POP1: variants seen among roughly 807,000 people sequenced by gnomAD.
POP1 encodes ribonucleases P/MRP protein subunit POP1.
POP1 carries 75 observed loss-of-function variants against 102.2 expected under a neutral mutation model. The observed-to-expected ratio is 0.73, with a 90% CI of 0.61 to 0.89. The LOEUF is 0.89. Ranked by LOEUF, POP1 falls within the 40% of genes least tolerant of loss-of-function variation. POP1 has a pLI of 0.00. For missense variants in POP1, 1,116 were observed against 1,267.4 expected (o/e 0.88, Z 1.81); for synonymous variants, 436 against 464.1 (o/e 0.94, Z 0.78).
intron 5 of POP1, 115 bp from the exon 6 acceptor site, chr8:98,133,834 G>T (rs1415849853): frequency 3.7e-6 from 3 of 807,980 alleles, no homozygotes; most frequent in Non-Finnish European, 6.7e-6. Flanking sequence ...CATAGCTTTA[G>T]CAATTTGTTT....
intron 9 of POP1, among the ~76,000 whole-genome samples, chr8:98,138,320 C>A (rs1005701146): frequency 8.8e-4 from 12 of 13,608 alleles, no homozygotes; most frequent in Non-Finnish European, 1.8e-3. Flanking sequence ...TTTCTCCTCA[C>A]CCTTCTACAC....
intron 14 of POP1, 97 bp from the exon 15 acceptor site, chr8:98,155,952 TG>T: frequency 6.1e-6 from 6 of 983,238 alleles, no homozygotes; most frequent in South Asian, 1.3e-5. Context: ...TGTGTGTGTG[TG>T]TGTTTTAAAA....
chr8:98,145,077 C>T (rs1816807904), intron 11 of POP1, among the ~76,000 whole-genome samples: 1 of 152,088 alleles, frequency 6.6e-6, no homozygotes, highest in African/African-American at 2.4e-5. Context: ...CCTGTAGAGA[C>T]ACGGTTTCGC....
intron 3 of POP1, 46 bp downstream of exon 3, chr8:98,127,808 C>G: frequency 1.3e-6 from 2 of 1,592,562 alleles, no homozygotes; most frequent in South Asian, 2.2e-5. Flanking sequence ...TTTGAACTCT[C>G]GTGTCTAGTG....
chr8:98,127,708 G>C lies in POP1; in HGVS notation c.256G>C (p.Gly86Arg), dbSNP rs150709391. The C allele has an allele frequency of 3.0e-4, 483 of 1,613,988 alleles. 1 individual carries two copies. Among genetic ancestry groups the C allele is most frequent in the Non-Finnish European group, 3.1e-4 (364 of 1,180,018 alleles). ...SSKGMFRKKG[G>R]WKAGPEGTSQ... Reference sequence around the variant, plus strand: ...CAAAGGGATGTTTAGAAAAAAGGGAGGATGGAAAGCAGGTCCCGAGGGCAC... The same window carrying C: ...CAAAGGGATGTTTAGAAAAAAGGGACGATGGAAAGCAGGTCCCGAGGGCAC... Residue 86 changes from glycine (G) to arginine (R), a missense_variant, in exon 3 of 16, where the codon GGA (glycine) becomes CGA (arginine). Physicochemically the swap from Gly to Arg is moderately radical, Grantham distance 125. Transcript: ENST00000401707.
chr8:98,140,998 A>T (rs1175901410), intron 11 of POP1, 110 bp downstream of exon 11: 1 of 1,336,594 alleles, frequency 7.5e-7, no homozygotes, highest in African/African-American at 1.5e-5. Context: ...TCTGTAAAAA[A>T]TTAGGGCAGT....
Position 98,136,412 on chromosome 8 carries a change from A to C in POP1, c.1012-70A>C, listed in dbSNP as rs926586511. On this transcript the variant is annotated intron_variant, in intron 7 of 15. Transcript: ENST00000401707. Reference sequence around the variant, plus strand: ...TTTTTAAAGAGATTTAAAAAAAAAAACCCAACTAAATTTGTCGTAATATAT... The same window carrying C: ...TTTTTAAAGAGATTTAAAAAAAAAACCCCAACTAAATTTGTCGTAATATAT... 26 of 1,476,346 alleles carry C rather than the reference A, an allele frequency of 1.8e-5. No homozygotes were observed. In the African/African-American group the frequency reaches 3.2e-4, roughly 18 times the overall value. 91.5% of individuals were successfully genotyped at this position (1,476,346 alleles called of 1,614,324 possible). A position where few individuals can be genotyped will look rare whatever the true frequency, so the allele number is the denominator to read the frequency against.
intron 9 of POP1, 133 bp from the exon 10 acceptor site, chr8:98,139,945 C>T: frequency 1.3e-6 from 1 of 748,598 alleles, no homozygotes; most frequent in Non-Finnish European, 2.4e-6. Flanking sequence ...GTGGCAACTT[C>T]CCTGGTTCAT....
At chr8:98,124,299 CA>C (rs1816128233) in intron 2 of POP1, among the ~76,000 whole-genome samples, 1 of 152,204 alleles carries the variant, frequency 6.6e-6, no homozygotes, top group Non-Finnish European at 1.5e-5. Context: ...CGGTGGCTCA[CA>C]CCTGTAATCC....
At chr8:98,141,311 G>A (rs1816697503) in intron 11 of POP1, among the ~76,000 whole-genome samples, 1 of 152,076 alleles carries the variant, frequency 6.6e-6, no homozygotes, top group Non-Finnish European at 1.5e-5. Flanking sequence ...CATCCCAGGT[G>A]CTGAAGTATA....
intron 2 of POP1, among the ~76,000 whole-genome samples, chr8:98,124,445 C>G (rs1816135339): frequency 6.6e-6 from 1 of 151,974 alleles, no homozygotes; most frequent in Non-Finnish European, 1.5e-5. Context: ...GCCTGTAGTC[C>G]CTGCCACTTG....
At chr8:98,155,955 G>T (rs1809637010) in intron 14 of POP1, 95 bp from the exon 15 acceptor site, 3 of 990,706 alleles carry the variant, frequency 3.0e-6, no homozygotes, top group Non-Finnish European at 4.6e-6. Flanking sequence ...GTGTGTGTGT[G>T]TTTTAAAATA....
chr8:98,155,874 C>T (rs949110922), intron 14 of POP1, 176 bp from the exon 15 acceptor site: 2 of 730,624 alleles, frequency 2.7e-6, no homozygotes, highest in Non-Finnish European at 4.4e-6. Context: ...TGAGCCCAGC[C>T]TATTATTCTT....
In POP1 at chr8:98,159,439, C is replaced by T. The variant is rs1409375106; in HGVS notation, c.*1168C>T. On this transcript the variant is annotated 3_prime_UTR_variant, in exon 16 of 16. Coordinates refer to ENST00000401707, the MANE Select transcript of POP1 (RefSeq NM_001145860.2). ...GAGTGGGCTCAGTGTGGCTTTTTTC[C>T]AACTATGGAGAAACTCAGTGCTCAT... The T allele has an allele frequency of 6.6e-6, 1 of 152,230 alleles. No homozygotes were observed. The highest frequency in any genetic ancestry group is 2.1e-4 in the South Asian group (1 of 4,822). 9.4% of individuals were successfully genotyped at this position (152,230 alleles called of 1,614,324 possible). A position where few individuals can be genotyped will look rare whatever the true frequency, so the allele number is the denominator to read the frequency against.
intron 4 of POP1, 67 bp downstream of exon 4, chr8:98,128,607 C>A: frequency 6.5e-7 from 1 of 1,544,014 alleles, no homozygotes; most frequent in South Asian, 1.1e-5. Context: ...AAGTATTGAC[C>A]TAATAGAATT....
At chr8:98,151,772 TC>T (rs1478663173) in intron 14 of POP1, among the ~76,000 whole-genome samples, 1 of 141,090 alleles carries the variant, frequency 7.1e-6, no homozygotes, top group East Asian at 2.1e-4. Context: ...AGGCAGGATC[TC>T]ACTCTGTCAC....
At chr8:98,154,543 G>C (rs73281828) in intron 14 of POP1, among the ~76,000 whole-genome samples, 3,981 of 152,280 alleles carry the variant, frequency 0.026, 165 homozygotes, top group African/African-American at 0.086. Context: ...TATGAGCAGG[G>C]AGTGGGTGCT....
chr8:98,123,876 A>G (rs868097885), intron 2 of POP1, among the ~76,000 whole-genome samples: 1 of 152,118 alleles, frequency 6.6e-6, no homozygotes, highest in African/African-American at 2.4e-5. Flanking sequence ...ATAGTAAATG[A>G]GCTGAATTAA....
chr8:98,129,690 G>A (rs1816319798), intron 4 of POP1, among the ~76,000 whole-genome samples: 1 of 152,136 alleles, frequency 6.6e-6, no homozygotes, highest in South Asian at 2.1e-4. Context: ...GTGTTACTGT[G>A]TTGAACATTT....
Sources: allele counts gnomAD v4.1 joint callset (sites outside exome capture counted in the v4.1 genomes callset), GRCh38; gene constraint gnomAD v4.1.1; transcripts MANE v1.5; gene names NCBI Gene and HGNC (gene_info 2026-07-23, HGNC 2026-07-21).